Variants in SUMF1 observed in about 807,000 individuals in gnomAD.
The protein encoded by SUMF1 is sulfatase modifying factor 1.
In SUMF1, 48 loss-of-function variants were observed where a neutral mutation model predicts 47.6. That is an observed-to-expected ratio of 1.01 (90% CI 0.80 to 1.28). The LOEUF is 1.28. Among genes scored for constraint, SUMF1 ranks in the 50% most tolerant of loss-of-function variants. The probability of loss-of-function intolerance (pLI) is 0.00; values close to 1 mark genes in which losing one functional copy is unlikely to be tolerated. For synonymous variants in SUMF1, 230 were observed against 192.1 expected (o/e 1.20, Z -1.63); for missense variants, 571 against 485.4 (o/e 1.18, Z -1.66).
chr3:4,355,522 A>C (rs1018583920), intron 8 of SUMF1, among the ~76,000 whole-genome samples: 2 of 152,240 alleles, frequency 1.3e-5, no homozygotes, highest in Non-Finnish European at 2.9e-5. Context: ...GCACCAAAGT[A>C]AATGTAGGTG....
At chr3:4,313,782 G>A in intron 8 of SUMF1, 1 of 1,613,728 alleles carries the variant, frequency 6.2e-7, no homozygotes, top group South Asian at 1.1e-5. Context: ...TCAGTGATAA[G>A]CAGCTTGCCC....
intron 9 of SUMF1, among the ~76,000 whole-genome samples, chr3:4,062,719 T>C (rs1269965369): frequency 6.6e-6 from 1 of 152,134 alleles, no homozygotes; most frequent in African/African-American, 2.4e-5. Flanking sequence ...TGAAAAATGA[T>C]TGCATTTGTA....
At chr3:4,312,625 C>T (rs1008959228) in intron 8 of SUMF1, among the ~76,000 whole-genome samples, 10 of 151,282 alleles carry the variant, frequency 6.6e-5, no homozygotes, top group Middle Eastern at 3.4e-3. Flanking sequence ...GCAGGAGAAT[C>T]GCTTGAGCCC....
intron 8 of SUMF1, among the ~76,000 whole-genome samples, chr3:4,229,618 T>G (rs1437246988): frequency 2.0e-5 from 3 of 152,130 alleles, no homozygotes; most frequent in Non-Finnish European, 4.4e-5. Context: ...AAATTCCAAT[T>G]ATTATGGGCC....
chr3:4,183,242 T>G (rs1333781619), intron 8 of SUMF1, among the ~76,000 whole-genome samples: 1 of 152,174 alleles, frequency 6.6e-6, no homozygotes, highest in Non-Finnish European at 1.5e-5. Context: ...ATTTGGGGAA[T>G]TTTGAAATCA....
intron 8 of SUMF1, among the ~76,000 whole-genome samples, chr3:4,171,565 A>C (rs1019050534): frequency 4.3e-4 from 65 of 152,322 alleles, no homozygotes; most frequent in African/African-American, 1.4e-3. Flanking sequence ...CTGAAATACA[A>C]GTGTCTCTAT....
chr3:4,216,990 T>C (rs545960084), intron 8 of SUMF1, among the ~76,000 whole-genome samples: 5 of 152,164 alleles, frequency 3.3e-5, no homozygotes, highest in African/African-American at 1.2e-4. Flanking sequence ...GAAATACCAG[T>C]TGACCCAGCA....
intron 8 of SUMF1, among the ~76,000 whole-genome samples, chr3:4,244,938 G>T (rs903558010): frequency 6.6e-6 from 1 of 151,614 alleles, no homozygotes; most frequent in Non-Finnish European, 1.5e-5. Context: ...TCGTTTTTGG[G>T]TTTTTTTCAC....
chr3:4,125,274 A>G (rs777740377), intron 8 of SUMF1, among the ~76,000 whole-genome samples: 22 of 152,172 alleles, frequency 1.4e-4, no homozygotes, highest in Non-Finnish European at 2.8e-4. Flanking sequence ...TCAAATAACT[A>G]CATGTTACCG....
intron 8 of SUMF1, among the ~76,000 whole-genome samples, chr3:4,074,071 T>C (rs757811984): frequency 1.3e-5 from 2 of 152,076 alleles, no homozygotes; most frequent in East Asian, 1.9e-4. Context: ...TATTCTAAAA[T>C]TGACCACATA....
chr3:4,085,500 C>A (rs956198260), intron 8 of SUMF1, among the ~76,000 whole-genome samples: 1 of 152,056 alleles, frequency 6.6e-6, no homozygotes, highest in Non-Finnish European at 1.5e-5. Context: ...CTTCAAAGAG[C>A]CATCAAATTA....
intron 8 of SUMF1, among the ~76,000 whole-genome samples, chr3:4,343,336 A>G (rs1190124948): frequency 1.3e-5 from 2 of 152,228 alleles, no homozygotes; most frequent in East Asian, 1.9e-4. Flanking sequence ...AACCACAGGG[A>G]TAAAAAGAGC....
chr3:4,196,227 C>A (rs1695425521), intron 8 of SUMF1, among the ~76,000 whole-genome samples: 1 of 152,074 alleles, frequency 6.6e-6, no homozygotes, highest in African/African-American at 2.4e-5. Flanking sequence ...TTCATGGAAC[C>A]AGGTTTTGCA....
intron 8 of SUMF1, among the ~76,000 whole-genome samples, chr3:4,085,259 C>CT (rs1692647725): frequency 6.6e-6 from 1 of 152,062 alleles, no homozygotes; most frequent in Non-Finnish European, 1.5e-5. Flanking sequence ...TAATAAACTG[C>CT]TTTGGGTGCT....
At chr3:4,397,209 C>T (rs1407229225) in intron 7 of SUMF1, among the ~76,000 whole-genome samples, 1 of 152,188 alleles carries the variant, frequency 6.6e-6, no homozygotes, top group Non-Finnish European at 1.5e-5. Flanking sequence ...TTGTTTTATC[C>T]TAAGCAATGC....
chr3:4,395,751 G>A (rs1161649081), intron 7 of SUMF1, among the ~76,000 whole-genome samples: 1 of 152,146 alleles, frequency 6.6e-6, no homozygotes, highest in Non-Finnish European at 1.5e-5. Context: ...ATACCACGGT[G>A]GCTCCTGATT....
At chr3:4,384,225 A>G (rs370559637) in intron 7 of SUMF1, among the ~76,000 whole-genome samples, 31 of 152,334 alleles carry the variant, frequency 2.0e-4, no homozygotes, top group African/African-American at 7.2e-4. Context: ...TTGTTAATCT[A>G]CAATGACTTT....
intron 8 of SUMF1, among the ~76,000 whole-genome samples, chr3:4,179,089 T>C (rs1224733381): frequency 6.6e-6 from 1 of 152,114 alleles, no homozygotes. Flanking sequence ...ATAGGAAGAA[T>C]CAATATCATG....
rs770091674 is a variant in SUMF1, at chr3:4,335,960, CAAAAAAA to C, written c.1014+40363_1014+40369del. Among the ~76,000 whole-genome samples the C allele has an allele frequency of 1.3e-3, 94 of 73,900 alleles. 5 individuals carry two copies. Among genetic ancestry groups the C allele is most frequent in the South Asian group, 4.8e-4 (1 of 2,082 alleles). 48.5% of individuals were successfully genotyped at this position (73,900 alleles called of 152,430 possible). Reference sequence around the variant, plus strand: ...TGGACAACTGAGTGAGATTCCAACTCAAAAAAAAAAAAAAAAAAAACAGAAAAAACCC... The same window carrying C: ...TGGACAACTGAGTGAGATTCCAACTCAAAAAAAAAAAAACAGAAAAAACCC... On this transcript the variant is annotated intron_variant and NMD_transcript_variant, in intron 8 of 12. Coordinates refer to the SUMF1 transcript ENST00000448413.
Sources: allele counts gnomAD v4.1 joint callset (sites outside exome capture counted in the v4.1 genomes callset), GRCh38; gene constraint gnomAD v4.1.1; transcripts MANE v1.5; gene names NCBI Gene and HGNC (gene_info 2026-07-23, HGNC 2026-07-21).